The following LRRC37A2 variants were observed in gnomAD, a reference collection of about 807,000 sequenced individuals.
LRRC37A2 encodes the protein leucine-rich repeat-containing protein 37A2.
Under a neutral mutation model 68.8 loss-of-function variants are expected in LRRC37A2, and 9 were observed. The ratio of observed to expected loss-of-function variants is 0.13; its 90% CI spans 0.08 to 0.23. The LOEUF (loss-of-function observed/expected upper bound fraction) is 0.23. Among genes scored for constraint, LRRC37A2 ranks in the 10% least tolerant of loss-of-function variants. The pLI, the probability that LRRC37A2 is intolerant of heterozygous loss-of-function variation, is 1.00. For missense variants in LRRC37A2, 168 were observed against 950.4 expected, an observed-to-expected ratio of 0.18 and a Z score of 10.82; for synonymous variants, 63 against 367.6, an observed-to-expected ratio of 0.17 and a Z score of 9.48.
At chr17:46,724,450 G>A in the LRRC37A2 span, among the ~76,000 whole-genome samples, 1 of 152,194 alleles carries the variant, frequency 6.6e-6, no homozygotes, top group East Asian at 1.9e-4. Flanking sequence ...AGCCAAGGCA[G>A]GGAAAGGAGT....
chr17:46,808,410 A>G, the LRRC37A2 span, among the ~76,000 whole-genome samples: 391 of 152,350 alleles, frequency 2.6e-3, 1 homozygote, highest in African/African-American at 8.5e-3. Flanking sequence ...TCTCAAAACC[A>G]TCCTTTGGGG....
At chr17:46,879,678 A>T in the LRRC37A2 span, among the ~76,000 whole-genome samples, 83 of 152,332 alleles carry the variant, frequency 5.4e-4, 1 homozygote, top group African/African-American at 1.9e-3. Context: ...ATGAATATTT[A>T]CTGAACATCT....
At chr17:46,902,108 G>A in the LRRC37A2 span, among the ~76,000 whole-genome samples, 6 of 152,050 alleles carry the variant, frequency 3.9e-5, no homozygotes, top group East Asian at 3.8e-4. Flanking sequence ...GCACTGGGCC[G>A]CAAGATCTTT....
At chr17:46,935,765 G>C in the LRRC37A2 span, 1 of 987,020 alleles carries the variant, frequency 1.0e-6, no homozygotes, top group Non-Finnish European at 1.2e-6. Flanking sequence ...AGTTGGCACT[G>C]CTGAGACTCC....
the LRRC37A2 span, among the ~76,000 whole-genome samples, chr17:46,789,281 T>C: frequency 2.0e-5 from 3 of 152,264 alleles, no homozygotes; most frequent in South Asian, 6.2e-4. Flanking sequence ...ATCCACTCTC[T>C]TATTCTATGC....
At chr17:46,978,714 C>T in the LRRC37A2 span, 1 of 1,612,236 alleles carries the variant, frequency 6.2e-7, no homozygotes, top group Non-Finnish European at 8.5e-7. Flanking sequence ...GAAAGTTGAT[C>T]ATGCTCTCGG....
the LRRC37A2 span, among the ~76,000 whole-genome samples, chr17:47,005,152 T>C: frequency 2.0e-5 from 3 of 152,362 alleles, no homozygotes; most frequent in South Asian, 6.2e-4. Flanking sequence ...AAGTCACGCT[T>C]TTATTCTTAA....
the LRRC37A2 span, among the ~76,000 whole-genome samples, chr17:46,834,174 G>A: frequency 1.3e-5 from 2 of 152,140 alleles, no homozygotes; most frequent in African/African-American, 2.4e-5. Context: ...CAGCCTGGTC[G>A]ATGGAGTGAG....
chr17:46,880,427 T>C, the LRRC37A2 span, among the ~76,000 whole-genome samples: 1 of 152,216 alleles, frequency 6.6e-6, no homozygotes, highest in East Asian at 1.9e-4. Flanking sequence ...TTTAGGGATC[T>C]CTTATTGAGC....
chr17:46,710,538 T>C, the LRRC37A2 span, among the ~76,000 whole-genome samples: 1 of 152,242 alleles, frequency 6.6e-6, no homozygotes, highest in Non-Finnish European at 1.5e-5. Flanking sequence ...CGTATTCTCA[T>C]GTTAATCCAT....
chr17:46,796,864 A>G, the LRRC37A2 span, among the ~76,000 whole-genome samples: 1 of 152,176 alleles, frequency 6.6e-6, no homozygotes, highest in African/African-American at 2.4e-5. Context: ...CCCTCCAGAA[A>G]GGGTGGTCTG....
the LRRC37A2 span, among the ~76,000 whole-genome samples, chr17:46,818,165 A>G: frequency 1.3e-5 from 2 of 152,070 alleles, no homozygotes; most frequent in African/African-American, 4.8e-5. Context: ...GGCCCCAGGG[A>G]CAGTGCTGGA....
intron 6 of LRRC37A2, among the ~76,000 whole-genome samples, chr17:46,539,498 C>T (rs1480216641): frequency 1.3e-5 from 2 of 151,228 alleles, no homozygotes; most frequent in African/African-American, 4.9e-5. Context: ...CGCAGTGGCT[C>T]ATGCCAGTAA....
At chr17:46,774,111 G>A in the LRRC37A2 span, among the ~76,000 whole-genome samples, 1 of 152,242 alleles carries the variant, frequency 6.6e-6, no homozygotes, top group African/African-American at 2.4e-5. Context: ...CAGCCCTCTG[G>A]CTGCATCCAG....
At chr17:46,967,239 G>T in the LRRC37A2 span, among the ~76,000 whole-genome samples, 3 of 152,182 alleles carry the variant, frequency 2.0e-5, no homozygotes, top group Non-Finnish European at 4.4e-5. Context: ...AGTCTGCCTG[G>T]GTTTGGATCC....
At chr17:46,985,506 T>A in the LRRC37A2 span, among the ~76,000 whole-genome samples, 1 of 146,582 alleles carries the variant, frequency 6.8e-6, no homozygotes. Flanking sequence ...GGAGACAAAG[T>A]GAGATTCCAT....
At chr17:46,894,259 C>T in the LRRC37A2 span, among the ~76,000 whole-genome samples, 2 of 152,156 alleles carry the variant, frequency 1.3e-5, no homozygotes, top group Non-Finnish European at 1.5e-5. Flanking sequence ...TCAATGGACT[C>T]GCAACCTCAT....
At chr17:47,047,925 G>T in the LRRC37A2 span, among the ~76,000 whole-genome samples, 2 of 151,044 alleles carry the variant, frequency 1.3e-5, no homozygotes, top group African/African-American at 4.9e-5. Context: ...TCAACTTCAT[G>T]ACTTCTAAAA....
At chr17:47,035,912 G>A in the LRRC37A2 span, among the ~76,000 whole-genome samples, 2 of 152,034 alleles carry the variant, frequency 1.3e-5, no homozygotes, top group Non-Finnish European at 2.9e-5. Flanking sequence ...AATGATTTAA[G>A]ACATTCAACA....
Sources: allele counts gnomAD v4.1 joint callset (sites outside exome capture counted in the v4.1 genomes callset), GRCh38; gene constraint gnomAD v4.1.1; transcripts MANE v1.5; gene names NCBI Gene and HGNC (gene_info 2026-07-23, HGNC 2026-07-21).